The following ENOX1 variants were observed in gnomAD, a reference collection of about 807,000 sequenced individuals.
The protein encoded by ENOX1 is ecto-NOX disulfide-thiol exchanger 1, also known as candidate growth-related and time keeping constitutive hydroquinone (NADH) oxidase.
A neutral mutation model predicts 82.5 loss-of-function variants in ENOX1; 42 were observed. That is an observed-to-expected ratio of 0.51 (90% confidence interval 0.40 to 0.66). The LOEUF (loss-of-function observed/expected upper bound fraction) is 0.66, where lower values mean the gene tolerates loss of function less well. Among genes scored for constraint, ENOX1 ranks in the 30% least tolerant of loss-of-function variants. The probability of loss-of-function intolerance (pLI) is 0.00; values close to 1 mark genes in which losing one functional copy is unlikely to be tolerated. For missense variants in ENOX1, 608 were observed against 811.6 expected, an observed-to-expected ratio of 0.75 and a Z score of 3.05; for synonymous variants, 271 against 282.2, an observed-to-expected ratio of 0.96 and a Z score of 0.40.
At chr13:43,303,900 A>C (rs1240240002) in intron 11 of ENOX1, among the ~76,000 whole-genome samples, 1 of 152,168 alleles carries the variant, frequency 6.6e-6, no homozygotes, top group Admixed American at 6.5e-5. Context: ...CAGAGACCAC[A>C]CTTTGAGAGC....
At chr13:43,642,887 G>C (rs1044684638) in intron 2 of ENOX1, among the ~76,000 whole-genome samples, 3 of 152,108 alleles carry the variant, frequency 2.0e-5, no homozygotes, top group African/African-American at 7.2e-5. Flanking sequence ...TTATACTACA[G>C]CTATGTTTGT....
intron 2 of ENOX1, among the ~76,000 whole-genome samples, chr13:43,610,789 C>A (rs1432004580): frequency 6.6e-6 from 1 of 151,200 alleles, no homozygotes; most frequent in African/African-American, 2.4e-5. Flanking sequence ...ACTTACCGAT[C>A]CAGGAAAATG....
intron 8 of ENOX1, among the ~76,000 whole-genome samples, chr13:43,347,595 C>T (rs573362658): frequency 5.9e-4 from 89 of 152,130 alleles, no homozygotes; most frequent in Non-Finnish European, 8.4e-4. Context: ...ATATTGGGAG[C>T]GGTCATTTTC....
At chr13:43,646,423 T>G (rs781103863) in intron 2 of ENOX1, among the ~76,000 whole-genome samples, 2 of 152,228 alleles carry the variant, frequency 1.3e-5, no homozygotes, top group Non-Finnish European at 2.9e-5. Flanking sequence ...AGCTGTCACT[T>G]GTGCTCACGC....
chr13:43,767,320 A>G (rs1951335270), intron 1 of ENOX1, among the ~76,000 whole-genome samples: 1 of 139,644 alleles, frequency 7.2e-6, no homozygotes, highest in Non-Finnish European at 1.7e-5. Context: ...AGGCCATTCA[A>G]GTATGCACTG....
intron 2 of ENOX1, among the ~76,000 whole-genome samples, chr13:43,520,740 T>C (rs1418055885): frequency 6.6e-6 from 1 of 152,142 alleles, no homozygotes; most frequent in Non-Finnish European, 1.5e-5. Context: ...ATTTAAGCAC[T>C]TAAGGTCAGG....
intron 7 of ENOX1, among the ~76,000 whole-genome samples, chr13:43,358,448 C>CG (rs1400082308): frequency 2.3e-4 from 1 of 4,282 alleles, no homozygotes; most frequent in Non-Finnish European, 4.5e-4. Context: ...ATACATGGGG[C>CG]GGGGGCGGGG....
chr13:43,309,696 T>C (rs2047077508), intron 11 of ENOX1, among the ~76,000 whole-genome samples: 1 of 152,208 alleles, frequency 6.6e-6, no homozygotes, highest in Non-Finnish European at 1.5e-5. Flanking sequence ...AAAATGCATG[T>C]ATTTTATAAA....
At chr13:43,681,162 CA>C (rs146394738) in intron 1 of ENOX1, among the ~76,000 whole-genome samples, 2 of 152,244 alleles carry the variant, frequency 1.3e-5, no homozygotes, top group East Asian at 3.9e-4. Context: ...TTGTCCTAAC[CA>C]TTTCTTTGCT....
At chr13:43,269,379 T>G (rs2044559011) in intron 13 of ENOX1, 91 bp downstream of exon 13, 5 of 969,766 alleles carry the variant, frequency 5.2e-6, no homozygotes, top group Non-Finnish European at 8.2e-6. Context: ...CAGATTACTT[T>G]CAGTAAATGT....
chr13:43,344,080 A>G (rs2049227581), intron 9 of ENOX1, among the ~76,000 whole-genome samples: 1 of 152,228 alleles, frequency 6.6e-6, no homozygotes, highest in South Asian at 2.1e-4. Flanking sequence ...GCTCCCCCAG[A>G]TAAAAGATCC....
intron 1 of ENOX1, among the ~76,000 whole-genome samples, chr13:43,719,343 A>ACACC (rs1555368285): frequency 7.4e-5 from 11 of 149,026 alleles, no homozygotes; most frequent in African/African-American, 2.3e-4. Flanking sequence ...ACACACACAC[A>ACACC]CACACCAGCA....
intron 13 of ENOX1, 70 bp from the exon 14 acceptor site, chr13:43,265,524 A>G (rs2153479004): frequency 1.5e-6 from 2 of 1,305,776 alleles, no homozygotes; most frequent in Non-Finnish European, 1.1e-6. Flanking sequence ...TAAGTATATC[A>G]TCTTGTTAAC....
At chr13:43,618,732 T>C (rs556615586) in intron 2 of ENOX1, among the ~76,000 whole-genome samples, 61 of 152,252 alleles carry the variant, frequency 4.0e-4, no homozygotes, top group Admixed American at 2.8e-3. Flanking sequence ...TTTTTTTGGT[T>C]CCATATGAAT....
At chr13:43,757,968 G>A (rs909257014) in intron 1 of ENOX1, among the ~76,000 whole-genome samples, 1 of 151,834 alleles carries the variant, frequency 6.6e-6, no homozygotes, top group African/African-American at 2.4e-5. Flanking sequence ...GGTGCGGTGG[G>A]TCACGCCTGT....
chr13:43,291,095 T>C (rs559097902), intron 12 of ENOX1, among the ~76,000 whole-genome samples: 1 of 152,338 alleles, frequency 6.6e-6, no homozygotes, highest in African/African-American at 2.4e-5. Flanking sequence ...CATTACCAAA[T>C]GTTGAATTTT....
intron 1 of ENOX1, among the ~76,000 whole-genome samples, chr13:43,754,146 ATATACATATGTATATATG>A (rs1275396747): frequency 4.7e-5 from 7 of 148,326 alleles, no homozygotes; most frequent in Non-Finnish European, 7.4e-5. Flanking sequence ...ATATACACAT[ATATACATATGTATATATG>A]TATACATTAC....
At chr13:43,514,181 G>A (rs1169990011) in intron 2 of ENOX1, among the ~76,000 whole-genome samples, 1 of 151,998 alleles carries the variant, frequency 6.6e-6, no homozygotes, top group African/African-American at 2.4e-5. Flanking sequence ...TTAAAGTTGA[G>A]GTAGAATAAA....
At chr13:43,580,121 A>G (rs1012547868) in intron 2 of ENOX1, among the ~76,000 whole-genome samples, 7 of 152,240 alleles carry the variant, frequency 4.6e-5, no homozygotes, top group Non-Finnish European at 8.8e-5. Flanking sequence ...GGGCTTCTAC[A>G]TGTACATCAT....
Sources: gnomAD v4.1 joint callset for allele counts (sites outside exome capture counted in the v4.1 genomes callset) on GRCh38, gnomAD v4.1.1 for gene constraint, MANE v1.5 for transcripts, NCBI Gene and HGNC (gene_info 2026-07-23, HGNC 2026-07-21) for gene names.